Variants in HTR6 observed in about 807,000 individuals in gnomAD.
HTR6 encodes the protein 5-hydroxytryptamine receptor 6, also known as 5-hydroxytryptamine (serotonin) receptor 6, G protein-coupled.
In HTR6, 15 loss-of-function variants were observed where a neutral mutation model predicts 17.4. The observed-to-expected ratio is 0.86, with a 90% CI of 0.58 to 1.33. HTR6 has a LOEUF of 1.33. Among genes scored for constraint, HTR6 ranks in the 40% most tolerant of loss-of-function variants. The pLI, the probability that HTR6 is intolerant of heterozygous loss-of-function variation, is 0.00. For synonymous variants in HTR6, 326 were observed against 295.5 expected (o/e 1.10, Z -1.06); for missense variants, 578 against 616.0 (o/e 0.94, Z 0.65).
At position 19,666,885 on chromosome 1, in the gene HTR6, G is replaced by A. The variant is rs1324041918; in HGVS notation, c.714+418G>A. Among the ~76,000 whole-genome samples, 2 of 151,972 alleles carry A rather than the reference G, an allele frequency of 1.3e-5. No individual in the cohort carries two copies. The highest frequency in any genetic ancestry group is 6.6e-5 in the Admixed American group (1 of 15,262). On this transcript the variant is annotated intron_variant, in intron 1 of 2. Transcript: ENST00000289753. The surrounding 1 kb of genome is among the most constrained non-coding windows in gnomAD (Gnocchi z 4.5). ...GCCATCTCCCCTGCCACTTCCTACC[G>A]GGGAGGCTGTGTAGACTTCTCCTGG...
rs201944154 is a variant in HTR6 at position 19,679,173 on chromosome 1, G to C, written c.1128G>C (p.Pro376=). ...LQQVLPLPLP[P]DSDSDSDAGS... ...AGGTGCTGCCGCTGCCCCTGCCGCC[G>C]GACTCAGATTCGGACTCAGACGCAG... Residue 376 remains proline, a synonymous_variant, in exon 3 of 3, where the codon CCG becomes CCC. Transcript: ENST00000289753. The surrounding 1 kb of genome is among the most constrained non-coding windows in gnomAD (Gnocchi z 4.9). 146 of 1,592,232 alleles carry C rather than the reference G, an allele frequency of 9.2e-5. No individual in the cohort carries two copies. Among genetic ancestry groups the C allele is most frequent in the Middle Eastern group, 3.3e-4 (2 of 6,042 alleles).
intron 1 of HTR6, among the ~76,000 whole-genome samples, chr1:19,674,079 G>T (rs2095091427): frequency 6.6e-6 from 1 of 152,028 alleles, no homozygotes; most frequent in Admixed American, 6.6e-5. Flanking sequence ...TGCTGCCCAG[G>T]CTGGTCTTGA....
chr1:19,667,401 G>A (rs1165130652), intron 1 of HTR6, among the ~76,000 whole-genome samples: 6 of 151,722 alleles, frequency 4.0e-5, no homozygotes, highest in Admixed American at 3.3e-4. Context: ...CAGTTTTTTT[G>A]CTTTTTTTTT....
At chr1:19,670,174 C>T (rs568869137) in intron 1 of HTR6, among the ~76,000 whole-genome samples, 1 of 152,094 alleles carries the variant, frequency 6.6e-6, no homozygotes, top group East Asian at 1.9e-4. Flanking sequence ...TTCTGCCTCA[C>T]TTGCGGTTCC....
chr1:19,674,085 C>G (rs1227080380), intron 1 of HTR6, among the ~76,000 whole-genome samples: 23 of 152,066 alleles, frequency 1.5e-4, no homozygotes, highest in Admixed American at 1.5e-3. Flanking sequence ...CCAGGCTGGT[C>G]TTGAACTCCT....
At chr1:19,675,570 AC>A (rs1270867002) in intron 1 of HTR6, among the ~76,000 whole-genome samples, 2 of 151,938 alleles carry the variant, frequency 1.3e-5, no homozygotes, top group African/African-American at 4.8e-5. Flanking sequence ...GTTCATCTTC[AC>A]CCCATTCTCT....
Position 19,679,945 on chromosome 1 carries a change from TCA to T in HTR6, c.*578_*579del, listed in dbSNP as rs2100479732. Among the ~76,000 whole-genome samples the T allele has an allele frequency of 6.6e-6, 1 of 152,284 alleles. No individual in the cohort carries two copies. The highest frequency in any genetic ancestry group is 2.1e-4 in the South Asian group (1 of 4,822). ...TGCTGCCTTAGATCATCTTTAACCC[TCA>T]GAATGATTTGCTGGATGGTTTTTGG... On this transcript the variant is annotated 3_prime_UTR_variant, in exon 3 of 3. Coordinates refer to ENST00000289753, the MANE Select transcript of HTR6 (RefSeq NM_000871.3). This position sits in a 1 kb window ranked among gnomAD's most constrained non-coding sequence, Gnocchi z 4.9.
rs533181422 is a variant in HTR6, at chr1:19,666,915, C to T, written c.714+448C>T. Among the ~76,000 whole-genome samples, 75 of 152,104 alleles carry T rather than the reference C, an allele frequency of 4.9e-4. No individual in the cohort carries two copies. Among genetic ancestry groups the T allele is most frequent in the African/African-American group, 1.6e-3 (68 of 41,492 alleles). ...GGCTGTGTAGACTTCTCCTGGCTCC[C>T]CTGCTTCTGCCGCAGACCCAGTACT... is the stretch of plus-strand genomic sequence containing the variant. On this transcript the variant is annotated intron_variant, in intron 1 of 2. Transcript: ENST00000289753. The surrounding 1 kb of genome is among the most constrained non-coding windows in gnomAD (Gnocchi z 4.5).
chr1:19,666,024 C>T lies in HTR6; in HGVS notation c.271C>T (p.Arg91Cys), dbSNP rs201177761. The change falls in exon 1 of 3, where the codon CGC becomes TGC. Residue 91 changes from arginine to cysteine, a missense_variant. By Grantham distance (180) the Arg-to-Cys change is radical (BLOSUM62 -3). Coordinates refer to ENST00000289753, the MANE Select transcript of HTR6 (RefSeq NM_000871.3). The surrounding 1 kb of genome is among the most constrained non-coding windows in gnomAD (Gnocchi z 4.5). ...PPAMLNALYG[R>C]WVLARGLCLL... is the part of the protein sequence containing the mutation. ...GGCCATGCTGAACGCGCTGTACGGG[C>T]GCTGGGTGCTGGCGCGCGGCCTCTG... The T allele has an allele frequency of 2.5e-5, 41 of 1,613,658 alleles. No individual in the cohort carries two copies. The highest frequency in any genetic ancestry group is 3.4e-5 in the Non-Finnish European group (40 of 1,179,898).
rs1374144434 is a variant in HTR6 at position 19,679,384 on chromosome 1, G to A, written c.*16G>A. On this transcript the variant is annotated 3_prime_UTR_variant, in exon 3 of 3. Transcript: ENST00000289753. This position sits in a 1 kb window ranked among gnomAD's most constrained non-coding sequence, Gnocchi z 4.9. Reference sequence around the variant, plus strand: ...CACGAACTGACCCGGGCTTGGGGCTGGCCAATGGGGAGCTGGATTGAGCAG... The same window carrying A: ...CACGAACTGACCCGGGCTTGGGGCTAGCCAATGGGGAGCTGGATTGAGCAG... The A allele has an allele frequency of 6.4e-7, 1 of 1,559,392 alleles. No homozygotes were observed.
rs150808016 is a variant in HTR6, at chr1:19,677,080, C to T, written c.715-1487C>T. Among the ~76,000 whole-genome samples the T allele has an allele frequency of 3.1e-3, 473 of 152,312 alleles. 4 individuals carry two copies. Among genetic ancestry groups the T allele is most frequent in the Non-Finnish European group, 5.1e-3 (349 of 68,030 alleles). ...GGAGGGCTTCACATCCCAGCTTTCA[C>T]GGACTCCTAGGGGTTTCTGGTGGAA... On this transcript the variant is annotated intron_variant, in intron 1 of 2. Coordinates refer to ENST00000289753, the MANE Select transcript of HTR6 (RefSeq NM_000871.3).
intron 1 of HTR6, among the ~76,000 whole-genome samples, chr1:19,676,689 C>A (rs760096174): frequency 2.0e-5 from 3 of 152,154 alleles, no homozygotes; most frequent in Admixed American, 6.5e-5. Flanking sequence ...CTTTGGTGCT[C>A]CCTGGAGTTG....
rs1323239747 is a variant in HTR6, at chr1:19,680,367, TC to T, written c.*1002del. Among the ~76,000 whole-genome samples the T allele has an allele frequency of 6.6e-6, 1 of 152,156 alleles. No homozygotes were observed. The highest frequency in any genetic ancestry group is 2.4e-5 in the African/African-American group (1 of 41,432). ...CAAAGCCTGACTCTGGTTCCCCAAC[TC>T]CCTGTTCTGGCTCCTGGGTGGGGAC... On this transcript the variant is annotated 3_prime_UTR_variant, in exon 3 of 3. Transcript: ENST00000289753.
At chr1:19,667,498 C>A (rs920422213) in intron 1 of HTR6, among the ~76,000 whole-genome samples, 1 of 152,088 alleles carries the variant, frequency 6.6e-6, no homozygotes, top group Non-Finnish European at 1.5e-5. Context: ...TCACTGCAAC[C>A]TCTGCCTCAT....
chr1:19,666,349 T>A lies in HTR6; in HGVS notation c.596T>A (p.Leu199Gln), dbSNP rs1489403437. Residue 199 changes from leucine to glutamine, a missense_variant, in exon 1 of 3, where the codon CTG (leucine) becomes CAG (glutamine). Leu to Gln is a moderately radical substitution (Grantham distance 113, BLOSUM62 -2). Coordinates refer to ENST00000289753, the MANE Select transcript of HTR6 (RefSeq NM_000871.3). This position sits in a 1 kb window ranked among gnomAD's most constrained non-coding sequence, Gnocchi z 4.5. ...GTGGCGTCGGGCCTCACCTTCTTCC[T>A]GCCCTCGGGTGCCATATGCTTCACC... ...VLVASGLTFF[L>Q]PSGAICFTYC... 2 of 1,613,828 alleles carry A rather than the reference T, an allele frequency of 1.2e-6. No individual in the cohort carries two copies. Among genetic ancestry groups the A allele is most frequent in the Non-Finnish European group, 1.7e-6 (2 of 1,179,948 alleles).
Position 19,678,749 on chromosome 1 carries a change from T to C in HTR6, c.873+24T>C, listed in dbSNP as rs780625049. 2.5e-6 allele frequency: 4 copies of C among 1,598,812 alleles called. No homozygotes were observed. The South Asian group carries it at 4.5e-5, about 18-fold the overall frequency. On this transcript the variant is annotated intron_variant, in intron 2 of 2. Coordinates refer to ENST00000289753, the MANE Select transcript of HTR6 (RefSeq NM_000871.3). ...AGGTAATGCCACGGCAGGGGGCAGG[T>C]GAGTCCGGCCCTTGCAGGAGAGGCC... is the stretch of plus-strand genomic sequence containing the variant.
Position 19,680,844 on chromosome 1 carries a change from G to A in HTR6, c.*1476G>A, listed in dbSNP as rs971933880. 6.6e-6 allele frequency among the ~76,000 whole-genome samples: 1 copy of A among 152,214 alleles called. No homozygotes were observed. Among genetic ancestry groups the A allele is most frequent in the Non-Finnish European group, 1.5e-5 (1 of 68,048 alleles). On this transcript the variant is annotated 3_prime_UTR_variant, in exon 3 of 3. Transcript: ENST00000289753. ...CCATGCCTGGCCTGGCCCTCTCCTT[G>A]GTGCTGATGAGACACAACTCTGGCC... is the stretch of plus-strand genomic sequence containing the variant.
rs772070423 is a variant in HTR6, at chr1:19,666,399, C to A, written c.646C>A (p.Arg216Ser). The change falls in exon 1 of 3, where the codon CGC becomes AGC. Residue 216 changes from arginine (R) to serine (S), a missense_variant. Coordinates refer to ENST00000289753, the MANE Select transcript of HTR6 (RefSeq NM_000871.3). This position sits in a 1 kb window ranked among gnomAD's most constrained non-coding sequence, Gnocchi z 4.5. ...CTACTGCAGGATCCTGCTAGCTGCC[C>A]GCAAGCAGGCCGTGCAGGTGGCCTC... is the stretch of plus-strand genomic sequence containing the variant. ...FTYCRILLAA[R>S]KQAVQVASLT... The A allele has an allele frequency of 1.2e-6, 2 of 1,613,544 alleles. No homozygotes were observed. The highest frequency in any genetic ancestry group is 2.7e-5 in the African/African-American group (2 of 74,910).
chr1:19,670,327 T>C (rs2095086593), intron 1 of HTR6, among the ~76,000 whole-genome samples: 1 of 151,938 alleles, frequency 6.6e-6, no homozygotes, highest in Non-Finnish European at 1.5e-5. Flanking sequence ...TCCTCTCCAG[T>C]CCTCATTTCC....
Sources: gnomAD v4.1 joint callset for allele counts (sites outside exome capture counted in the v4.1 genomes callset) on GRCh38, gnomAD v4.1.1 for gene constraint, Gnocchi (gnomAD v3.1) non-coding constraint, MANE v1.5 for transcripts, NCBI Gene and HGNC (gene_info 2026-07-23, HGNC 2026-07-21) for gene names.